PCDHGA3: variants seen among roughly 807,000 people sequenced by gnomAD.
PCDHGA3 encodes protocadherin gamma subfamily A, 3.
A neutral mutation model predicts 58.5 loss-of-function variants in PCDHGA3; 40 were observed. The ratio of observed to expected loss-of-function variants is 0.68; its 90% CI spans 0.53 to 0.89. The LOEUF is 0.89. PCDHGA3 is among the 40% of genes least tolerant of loss of function. The probability of loss-of-function intolerance (pLI) is 0.00; values close to 1 mark genes in which losing one functional copy is unlikely to be tolerated. For synonymous variants in PCDHGA3, 530 were observed against 525.7 expected (o/e 1.01, Z -0.11); for missense variants, 1,223 against 1,195.9 (o/e 1.02, Z -0.33).
At chr5:141,391,358 G>T (rs2150448712) in intron 1 of PCDHGA3, 1 of 150,474 alleles carries the variant, frequency 6.6e-6, no homozygotes, top group East Asian at 1.9e-4. Context: ...TGTTACTCAG[G>T]CTGTAGTGCA....
chr5:141,447,514 C>T (rs901543835), intron 1 of PCDHGA3, among the ~76,000 whole-genome samples: 20 of 152,196 alleles, frequency 1.3e-4, no homozygotes, highest in Admixed American at 8.5e-4. Context: ...AGATGCATAA[C>T]AATCATAACA....
intron 1 of PCDHGA3, among the ~76,000 whole-genome samples, chr5:141,481,478 T>C (rs2099538352): frequency 6.6e-6 from 1 of 152,232 alleles, no homozygotes; most frequent in African/African-American, 2.4e-5. Context: ...GATTATACAC[T>C]TTAAATATGT....
intron 1 of PCDHGA3, chr5:141,390,221 C>T (rs764241687): frequency 5.8e-5 from 94 of 1,614,004 alleles, no homozygotes; most frequent in African/African-American, 2.0e-4. Context: ...ACATACTTTG[C>T]GGTGATTCAT....
At chr5:141,364,489 G>T in intron 1 of PCDHGA3, 1 of 1,614,034 alleles carries the variant, frequency 6.2e-7, no homozygotes, top group Non-Finnish European at 8.5e-7. Flanking sequence ...AGGACCTTGG[G>T]CTGGAGCCCC....
rs570982273 is a variant in PCDHGA3, at chr5:141,476,764, G to T, written c.2425-18043G>T. On this transcript the variant is annotated intron_variant, in intron 1 of 3. Coordinates refer to ENST00000253812, the MANE Select transcript of PCDHGA3 (RefSeq NM_018916.4). This position sits in a 1 kb window ranked among gnomAD's most constrained non-coding sequence, Gnocchi z 7.6. ...CTAGTCTCCAGTTAGTGCTGACGGC[G>T]TTGGACGGAGGGACCCCAGCTCTCT... 1.2e-5 allele frequency: 19 copies of T among 1,613,794 alleles called. No individual in the cohort carries two copies. In the East Asian group the frequency reaches 3.8e-4, roughly 32 times the overall value.
chr5:141,449,424 T>C (rs2098638345), intron 1 of PCDHGA3, among the ~76,000 whole-genome samples: 1 of 151,674 alleles, frequency 6.6e-6, no homozygotes, highest in Admixed American at 6.6e-5. Context: ...CTGGCCAACA[T>C]GATAAAACTC....
At chr5:141,460,977 G>A in intron 1 of PCDHGA3, among the ~76,000 whole-genome samples, 1 of 131,518 alleles carries the variant, frequency 7.6e-6, no homozygotes, top group African/African-American at 3.4e-5. Context: ...GTGTGTGTGT[G>A]TGTGTGTATA....
Position 141,464,802 on chromosome 5 carries a change from A to G in PCDHGA3, c.2425-30005A>G, listed in dbSNP as rs545738780. ...TGCCCAGGCCAAATTGCAGTGATGC[A>G]GTCATAGCTCACTGTAGCCTCGCAC... On this transcript the variant is annotated intron_variant, in intron 1 of 3. Transcript: ENST00000253812. Among the ~76,000 whole-genome samples, 25 of 152,032 alleles carry G rather than the reference A, an allele frequency of 1.6e-4. No homozygotes were observed. In the East Asian group the frequency reaches 4.8e-3, roughly 29 times the overall value.
intron 1 of PCDHGA3, chr5:141,355,807 G>C (rs1444554207): frequency 6.2e-7 from 1 of 1,613,264 alleles, no homozygotes; most frequent in Admixed American, 1.7e-5. Flanking sequence ...TCTAGATCGC[G>C]AGGAAGAGGC....
At chr5:141,419,928 T>G in intron 1 of PCDHGA3, 1 of 1,614,084 alleles carries the variant, frequency 6.2e-7, no homozygotes, top group South Asian at 1.1e-5. Flanking sequence ...GAGATGCAGT[T>G]TTACCTGGTG....
chr5:141,510,251 C>G (rs569804850), intron 3 of PCDHGA3, among the ~76,000 whole-genome samples: 1 of 144,724 alleles, frequency 6.9e-6, no homozygotes, highest in African/African-American at 2.6e-5. Flanking sequence ...CCAGGCTGGG[C>G]GACAGAGCAG....
At position 141,438,243 on chromosome 5, in the gene PCDHGA3, A is replaced by C. The variant is rs1445738408; in HGVS notation, c.2425-56564A>C. ...TGGTTCAGGAAAATGTTTTTAAAAA[A>C]CTGTCATTGAAGAGACCATAGAATC... On this transcript the variant is annotated intron_variant, in intron 1 of 3. Coordinates refer to ENST00000253812, the MANE Select transcript of PCDHGA3 (RefSeq NM_018916.4). Among the ~76,000 whole-genome samples, 3 of 152,250 alleles carry C rather than the reference A, an allele frequency of 2.0e-5. No individual in the cohort carries two copies. In the East Asian group the frequency reaches 5.8e-4, roughly 29 times the overall value.
At chr5:141,505,523 G>C in intron 3 of PCDHGA3, 42 bp downstream of exon 3, 2 of 1,612,760 alleles carry the variant, frequency 1.2e-6, no homozygotes, top group South Asian at 2.2e-5. Context: ...GGGAGACCTG[G>C]GGTTCTGGGG....
At position 141,431,784 on chromosome 5, in the gene PCDHGA3, A is replaced by G; in HGVS notation, c.2425-63023A>G. On this transcript the variant is annotated intron_variant, in intron 1 of 3. Coordinates refer to ENST00000253812, the MANE Select transcript of PCDHGA3 (RefSeq NM_018916.4). The surrounding 1 kb of genome is among the most constrained non-coding windows in gnomAD (Gnocchi z 4.8). ...CTGATCACTGTTCTGGACGTGAACG[A>G]CAATGCCCCAGAAGTGGTCCTCACC... 1 of 1,614,220 alleles carries G rather than the reference A, an allele frequency of 6.2e-7. No individual in the cohort carries two copies. Among genetic ancestry groups the G allele is most frequent in the Non-Finnish European group, 8.5e-7 (1 of 1,180,022 alleles).
In PCDHGA3 at chr5:141,431,827, TC is replaced by T. The variant is rs571306928; in HGVS notation, c.2425-62977del. 1.2e-3 allele frequency: 2,007 copies of T among 1,614,226 alleles called. No individual in the cohort carries two copies. The highest frequency in any genetic ancestry group is 1.5e-3 in the Non-Finnish European group (1,827 of 1,180,024). On this transcript the variant is annotated intron_variant, in intron 1 of 3. Coordinates refer to ENST00000253812, the MANE Select transcript of PCDHGA3 (RefSeq NM_018916.4). This position sits in a 1 kb window ranked among gnomAD's most constrained non-coding sequence, Gnocchi z 4.8. ...TCCTCACCTCTCTCGCCAGCTCGGT[TC>T]CCGAAAACTCTCCCAGAGGGACATT...
At chr5:141,428,197 G>C in intron 1 of PCDHGA3, 3 of 1,385,972 alleles carry the variant, frequency 2.2e-6, no homozygotes, top group Non-Finnish European at 3.0e-6. Flanking sequence ...CGCTCTCTGC[G>C]CCGCTACGCT....
At chr5:141,356,834 A>G (rs1052476290) in intron 1 of PCDHGA3, 8 of 1,614,166 alleles carry the variant, frequency 5.0e-6, no homozygotes, top group Non-Finnish European at 5.9e-6. Context: ...CTCAGCAGCA[A>G]TGTGTCACTG....
intron 1 of PCDHGA3, chr5:141,475,850 G>C (rs2099376325): frequency 8.6e-6 from 4 of 464,524 alleles, no homozygotes; most frequent in Non-Finnish European, 1.5e-5. Flanking sequence ...AGAGAGCCCG[G>C]CGCTAGCTCA....
At chr5:141,380,946 C>A (rs555019785) in intron 1 of PCDHGA3, among the ~76,000 whole-genome samples, 2 of 152,328 alleles carry the variant, frequency 1.3e-5, no homozygotes, top group East Asian at 3.8e-4. Flanking sequence ...CTTGCCTCAA[C>A]AAGAAGTTCA....
Sources: gnomAD v4.1 joint callset for allele counts (sites outside exome capture counted in the v4.1 genomes callset) on GRCh38, gnomAD v4.1.1 for gene constraint, Gnocchi (gnomAD v3.1) non-coding constraint, MANE v1.5 for transcripts, NCBI Gene and HGNC (gene_info 2026-07-23, HGNC 2026-07-21) for gene names.